ARHGEF9: variants seen among roughly 807,000 people sequenced by gnomAD.
ARHGEF9 encodes the protein Cdc42 guanine nucleotide exchange factor 9, also known as rho guanine nucleotide exchange factor 9.
A neutral mutation model predicts 41.3 loss-of-function variants in ARHGEF9; 2 were observed. That is an observed-to-expected ratio of 0.05 (90% CI 0.02 to 0.15). The LOEUF (loss-of-function observed/expected upper bound fraction) is 0.15. Among genes scored for constraint, ARHGEF9 ranks in the 10% least tolerant of loss-of-function variants. The pLI is 1.00. For synonymous variants in ARHGEF9, 160 were observed against 154.4 expected (o/e 1.04, Z -0.27); for missense variants, 225 against 424.7 (o/e 0.53, Z 4.13).
chrX:63,749,759 A>G (rs1387770634), intron 1 of ARHGEF9, among the ~76,000 whole-genome samples: 3 of 112,466 alleles, frequency 2.7e-5, no homozygotes, highest in African/African-American at 9.7e-5. Context: ...CCGTGCACTG[A>G]TAAGGAGTTA....
At chrX:63,739,350 TGTAGGA>T (rs2054810548) in intron 1 of ARHGEF9, among the ~76,000 whole-genome samples, 1 of 111,716 alleles carries the variant, frequency 9.0e-6, no homozygotes, top group Non-Finnish European at 1.9e-5. Flanking sequence ...CATGAGCTGC[TGTAGGA>T]GGGATGAAGG....
At chrX:63,673,844 A>G (rs1187300433) in intron 6 of ARHGEF9, among the ~76,000 whole-genome samples, 194 bp downstream of exon 6, 9 of 111,702 alleles carry the variant, frequency 8.1e-5, no homozygotes, top group Non-Finnish European at 1.7e-4. Flanking sequence ...CATCACAAAA[A>G]TTTCTCCAAG....
chrX:63,755,056 G>A, intron 1 of ARHGEF9: 2 of 938,920 alleles, frequency 2.1e-6, no homozygotes, highest in Non-Finnish European at 2.6e-6. Flanking sequence ...TCTCTTCGCT[G>A]GGCTCCCGGC....
intron 7 of ARHGEF9, among the ~76,000 whole-genome samples, chrX:63,663,247 C>A (rs782608299): frequency 1.4e-3 from 155 of 111,707 alleles, no homozygotes; most frequent in African/African-American, 5.0e-3. Context: ...CAGACTATCA[C>A]TTCTTTTTTC....
chrX:63,648,966 C>T lies in ARHGEF9; in HGVS notation c.1322-4918G>A, dbSNP rs782191912. On this transcript the variant is annotated intron_variant, in intron 8 of 9. Coordinates refer to ENST00000671741, the MANE Select transcript of ARHGEF9 (RefSeq NM_001353921.2). ...ATTCATAAAACAAGTCCTTAGAGATCTACAAAGAGACTTAGACTCCCACAC... is the reference window on the plus strand; with the variant it reads ...ATTCATAAAACAAGTCCTTAGAGATTTACAAAGAGACTTAGACTCCCACAC... Among the ~76,000 whole-genome samples, 5 of 111,286 alleles carry T rather than the reference C, an allele frequency of 4.5e-5. No individual in the cohort carries two copies. The East Asian group carries it at 1.4e-3, about 31-fold the overall frequency.
chrX:63,662,694 T>A (rs1556342914), intron 7 of ARHGEF9, among the ~76,000 whole-genome samples: 3 of 112,144 alleles, frequency 2.7e-5, no homozygotes, highest in Non-Finnish European at 3.8e-5. Flanking sequence ...AACATGGAAA[T>A]AATATAATAA....
intron 1 of ARHGEF9, among the ~76,000 whole-genome samples, chrX:63,764,617 C>T (rs1172318871): frequency 8.9e-6 from 1 of 112,452 alleles, no homozygotes; most frequent in Non-Finnish European, 1.9e-5. Flanking sequence ...AGTACATATA[C>T]ACCATGAGAT....
intron 1 of ARHGEF9, chrX:63,754,163 G>A (rs2055829784): frequency 1.2e-5 from 8 of 692,093 alleles, no homozygotes; most frequent in Middle Eastern, 3.0e-4. Context: ...ACGCCACATA[G>A]ATTAAAAATG....
chrX:63,774,088 T>G (rs868994633), intron 1 of ARHGEF9, among the ~76,000 whole-genome samples: 1 of 106,890 alleles, frequency 9.4e-6, no homozygotes, highest in Non-Finnish European at 1.9e-5. Flanking sequence ...TATCTATCTA[T>G]CTATCTACTT....
At chrX:63,651,456 C>A (rs782080878) in intron 8 of ARHGEF9, among the ~76,000 whole-genome samples, 45 of 110,793 alleles carry the variant, frequency 4.1e-4, no homozygotes, top group Non-Finnish European at 7.4e-4. Flanking sequence ...TGAAAAATGG[C>A]ATTTAAACTG....
chrX:63,665,499 G>C (rs1222850412), intron 7 of ARHGEF9, among the ~76,000 whole-genome samples: 1 of 113,174 alleles, frequency 8.8e-6, no homozygotes, highest in Non-Finnish European at 1.9e-5. Context: ...AGAGCCATTA[G>C]AGTGGAAATG....
chrX:63,651,034 A>G (rs782229973), intron 8 of ARHGEF9, among the ~76,000 whole-genome samples: 1 of 111,253 alleles, frequency 9.0e-6, no homozygotes, highest in African/African-American at 3.2e-5. Context: ...CAGAATCTAA[A>G]GAAAACTCTA....
At chrX:63,671,740 C>A (rs2049972875) in intron 6 of ARHGEF9, among the ~76,000 whole-genome samples, 1 of 112,542 alleles carries the variant, frequency 8.9e-6, no homozygotes, top group Non-Finnish European at 1.9e-5. Flanking sequence ...TGTGTATACA[C>A]ACAAGAATCG....
intron 1 of ARHGEF9, among the ~76,000 whole-genome samples, chrX:63,767,665 T>C (rs1556452504): frequency 8.9e-6 from 1 of 112,449 alleles, no homozygotes; most frequent in African/African-American, 3.2e-5. Flanking sequence ...CAAAAACATT[T>C]AGAACAGTGC....
intron 4 of ARHGEF9, among the ~76,000 whole-genome samples, chrX:63,690,610 G>A (rs188497123): frequency 8.9e-4 from 99 of 111,121 alleles, no homozygotes; most frequent in Non-Finnish European, 1.6e-3. Context: ...AAGTAAAGAG[G>A]AGGAATACTT....
In ARHGEF9 at chrX:63,655,558, T is replaced by C. The variant is rs1556334685; in HGVS notation, c.1257A>G (p.Glu419=). The C allele has an allele frequency of 4.1e-6, 5 of 1,209,779 alleles. No individual in the cohort carries two copies. Among genetic ancestry groups the C allele is most frequent in the Non-Finnish European group, 5.6e-6 (5 of 895,086 alleles). The change falls in exon 8 of 10, where the codon GAA becomes GAG. Residue 419 remains glutamate (E), a synonymous_variant. Coordinates refer to ENST00000671741, the MANE Select transcript of ARHGEF9 (RefSeq NM_001353921.2). ...IHLFFAKKLE[E]KIRWLRAFRE... Reference sequence around the variant, plus strand: ...TGAAAGCCCTGAGCCAGCGTATTTTTTCCTCCAGCTTCTTGGCAAAGAACA... The same window carrying C: ...TGAAAGCCCTGAGCCAGCGTATTTTCTCCTCCAGCTTCTTGGCAAAGAACA...
intron 1 of ARHGEF9, among the ~76,000 whole-genome samples, chrX:63,753,900 A>T (rs1717359752): frequency 9.0e-6 from 1 of 111,544 alleles, no homozygotes; most frequent in Admixed American, 9.5e-5. Context: ...TTTTCCCTAA[A>T]TCCATTCCTT....
intron 1 of ARHGEF9, among the ~76,000 whole-genome samples, chrX:63,749,432 T>C (rs2055475630): frequency 8.9e-6 from 1 of 111,751 alleles, no homozygotes; most frequent in Non-Finnish European, 1.9e-5. Flanking sequence ...GGTTTCACCA[T>C]GTTGGCCAGG....
chrX:63,702,202 T>C lies in ARHGEF9; in HGVS notation c.402+4056A>G, dbSNP rs1245968695. Among the ~76,000 whole-genome samples, 7 of 112,500 alleles carry C rather than the reference T, an allele frequency of 6.2e-5. No individual in the cohort carries two copies. In the East Asian group the frequency reaches 1.1e-3, roughly 18 times the overall value. On this transcript the variant is annotated intron_variant, in intron 3 of 9. Transcript: ENST00000671741. ...GCATTTGAAGACAGAAGGTATTTCA[T>C]AGGTATCAGATGGCTGAGATTATCT... is the stretch of plus-strand genomic sequence containing the variant.
Sources: gnomAD v4.1 joint callset for allele counts (sites outside exome capture counted in the v4.1 genomes callset) on GRCh38, gnomAD v4.1.1 for gene constraint, MANE v1.5 for transcripts, NCBI Gene and HGNC (gene_info 2026-07-23, HGNC 2026-07-21) for gene names.